Variants in VWA3B observed in about 807,000 individuals in gnomAD.
VWA3B encodes the protein von Willebrand factor A domain containing 3B.
VWA3B carries 138 observed loss-of-function variants against 158.3 expected under a neutral mutation model. The ratio of observed to expected loss-of-function variants is 0.87; its 90% CI spans 0.76 to 1.00. VWA3B has a LOEUF of 1.00. Ranked by LOEUF, VWA3B falls within the 50% of genes least tolerant of loss-of-function variation. The probability of loss-of-function intolerance (pLI) is 0.00; values close to 1 mark genes in which losing one functional copy is unlikely to be tolerated. For missense variants in VWA3B, 1,555 were observed against 1,565.1 expected (o/e 0.99, Z 0.11); for synonymous variants, 596 against 587.3 (o/e 1.01, Z -0.21).
intron 9 of VWA3B, among the ~76,000 whole-genome samples, chr2:98,186,278 C>T (rs1681038204): frequency 6.6e-6 from 1 of 151,602 alleles, no homozygotes; most frequent in South Asian, 2.1e-4. Context: ...TGCCGAAGCA[C>T]CTCGAGGTGC....
At chr2:98,184,852 C>T (rs1680884528) in intron 9 of VWA3B, among the ~76,000 whole-genome samples, 1 of 152,204 alleles carries the variant, frequency 6.6e-6, no homozygotes, top group Non-Finnish European at 1.5e-5. Context: ...CTTCTTCCCA[C>T]GTCATCAGAC....
At chr2:98,198,537 T>A (rs1309122637) in intron 12 of VWA3B, among the ~76,000 whole-genome samples, 1 of 107,644 alleles carries the variant, frequency 9.3e-6, no homozygotes, top group Non-Finnish European at 1.9e-5. Flanking sequence ...CTTATTTTAA[T>A]TTGCATGCAG....
At chr2:98,184,359 C>T (rs1680842907) in intron 9 of VWA3B, among the ~76,000 whole-genome samples, 1 of 152,246 alleles carries the variant, frequency 6.6e-6, no homozygotes, top group Non-Finnish European at 1.5e-5. Context: ...TCATCATGCC[C>T]TTCAACCTCT....
At chr2:98,144,262 G>A (rs1677003441) in intron 7 of VWA3B, among the ~76,000 whole-genome samples, 1 of 151,950 alleles carries the variant, frequency 6.6e-6, no homozygotes, top group Non-Finnish European at 1.5e-5. Flanking sequence ...ATAAATTATA[G>A]TTGTCATTAT....
intron 25 of VWA3B, among the ~76,000 whole-genome samples, chr2:98,301,076 G>A (rs1237924485): frequency 6.6e-6 from 1 of 152,096 alleles, no homozygotes; most frequent in Non-Finnish European, 1.5e-5. Flanking sequence ...AGATCACAAG[G>A]TCAGGAGATC....
rs184557049 is a variant in VWA3B, at chr2:98,100,405, G to T, written c.196+7117G>T. Among the ~76,000 whole-genome samples, 8 of 152,326 alleles carry T rather than the reference G, an allele frequency of 5.3e-5. No individual in the cohort carries two copies. The East Asian group carries it at 1.5e-3, about 29-fold the overall frequency. On this transcript the variant is annotated intron_variant, in intron 2 of 27. Transcript: ENST00000477737. ...GCACAGCACTGGGCTGGATTCTTAT[G>T]GCTGCTGTGGCTGATACAGTGTTGG...
intron 8 of VWA3B, among the ~76,000 whole-genome samples, chr2:98,179,692 C>T (rs1208802596): frequency 6.6e-6 from 1 of 151,418 alleles, no homozygotes; most frequent in Non-Finnish European, 1.5e-5. Context: ...TCTTTCTCTT[C>T]CTTTCTTTTT....
At position 98,214,703 on chromosome 2, in the gene VWA3B, G is replaced by A. The variant is rs74637017; in HGVS notation, c.1836+2675G>A. On this transcript the variant is annotated intron_variant, in intron 13 of 27. Coordinates refer to ENST00000477737, the MANE Select transcript of VWA3B (RefSeq NM_144992.5). ...GGCTTCATATCATTTCATAAAGAGC[G>A]TCCTCATTCTCTTCTAGGTTCCATC... Among the ~76,000 whole-genome samples, 500 of 152,248 alleles carry A rather than the reference G, an allele frequency of 3.3e-3. 2 individuals carry two copies. The highest frequency in any genetic ancestry group is 0.011 in the African/African-American group (469 of 41,550).
intron 10 of VWA3B, among the ~76,000 whole-genome samples, chr2:98,192,642 C>G (rs889318034): frequency 3.2e-4 from 48 of 152,178 alleles, no homozygotes; most frequent in African/African-American, 1.1e-3. Flanking sequence ...ACAGCACCCA[C>G]AATGGATTTA....
intron 20 of VWA3B, among the ~76,000 whole-genome samples, chr2:98,250,989 A>G (rs1244686466): frequency 6.6e-6 from 1 of 152,076 alleles, no homozygotes. Context: ...AGTCCCAGCT[A>G]CTTGGGAGGC....
intron 8 of VWA3B, among the ~76,000 whole-genome samples, chr2:98,170,796 G>A (rs993484706): frequency 1.1e-4 from 16 of 151,990 alleles, no homozygotes. Context: ...CAGTAGAGAC[G>A]GGATTTCACT....
At chr2:98,131,535 A>G (rs778530477) in intron 6 of VWA3B, among the ~76,000 whole-genome samples, 2 of 152,228 alleles carry the variant, frequency 1.3e-5, no homozygotes, top group Non-Finnish European at 1.5e-5. Flanking sequence ...AGTCTTTCCT[A>G]TAATGGCTGT....
Position 98,093,125 on chromosome 2 carries a change from T to A in VWA3B, c.33T>A (p.Ser11=), listed in dbSNP as rs776165239. 1.2e-6 allele frequency: 2 copies of A among 1,614,074 alleles called. No homozygotes were observed. The highest frequency in any genetic ancestry group is 4.5e-5 in the East Asian group (2 of 44,870). MEKSGPSSTI[S]EQQLQRQEGW... The stretch of plus-strand genomic sequence containing the variant: ...AATCAGGCCCATCTTCTACCATCTC[T>A]GAGCAGCAGCTGCAGAGGCAAGAGG... Residue 11 remains serine (S), a synonymous_variant, in exon 2 of 28, where the codon TCT becomes TCA. Transcript: ENST00000477737.
Position 98,312,189 on chromosome 2 carries a change from T to C in VWA3B, c.3736-11T>C. The C allele has an allele frequency of 6.2e-7, 1 of 1,614,166 alleles. No homozygotes were observed. Among genetic ancestry groups the C allele is most frequent in the Non-Finnish European group, 8.5e-7 (1 of 1,180,034 alleles). On this transcript the variant is annotated splice_polypyrimidine_tract_variant and intron_variant, in intron 27 of 27. Coordinates refer to ENST00000477737, the MANE Select transcript of VWA3B (RefSeq NM_144992.5). ...AACATCCTTAAGTAATGCTGAACTC[T>C]GCTTCCCCAGACAGCCCACCTCCAC...
chr2:98,209,518 G>A (rs1304315186), intron 12 of VWA3B, among the ~76,000 whole-genome samples: 1 of 152,152 alleles, frequency 6.6e-6, no homozygotes, highest in Non-Finnish European at 1.5e-5. Context: ...CTGACCTCAT[G>A]ATCTGCTCGC....
At chr2:98,303,554 G>A in intron 25 of VWA3B, 148 bp from the exon 26 acceptor site, 1 of 664,256 alleles carries the variant, frequency 1.5e-6, no homozygotes, top group Non-Finnish European at 2.6e-6. Flanking sequence ...GTCAAGTGAG[G>A]GTCTGAATTT....
At chr2:98,246,808 G>T (rs1488724991) in intron 19 of VWA3B, among the ~76,000 whole-genome samples, 1 of 152,224 alleles carries the variant, frequency 6.6e-6, no homozygotes, top group Middle Eastern at 3.4e-3. Context: ...ATGTTTTTGA[G>T]ATTTTATCTA....
In VWA3B at chr2:98,195,686, T is replaced by A. The variant is rs1025026844; in HGVS notation, c.1737+1194T>A. ...TGATAACAAGATATTATATATATAA[T>A]CTCATTGCATAAAAACATCATTGGG... On this transcript the variant is annotated intron_variant, in intron 12 of 27. Coordinates refer to ENST00000477737, the MANE Select transcript of VWA3B (RefSeq NM_144992.5). Among the ~76,000 whole-genome samples the A allele has an allele frequency of 2.0e-5, 3 of 152,146 alleles. No individual in the cohort carries two copies. The South Asian group carries it at 6.2e-4, about 32-fold the overall frequency.
At chr2:98,135,870 G>C (rs1676244956) in intron 7 of VWA3B, among the ~76,000 whole-genome samples, 1 of 152,146 alleles carries the variant, frequency 6.6e-6, no homozygotes, top group South Asian at 2.1e-4. Flanking sequence ...CACCTCACCT[G>C]GGCCTCAGAG....
Sources: gnomAD v4.1 joint callset for allele counts (sites outside exome capture counted in the v4.1 genomes callset) on GRCh38, gnomAD v4.1.1 for gene constraint, MANE v1.5 for transcripts, NCBI Gene and HGNC (gene_info 2026-07-23, HGNC 2026-07-21) for gene names.